SATL1: variants seen among roughly 807,000 people sequenced by gnomAD.
SATL1 encodes spermidine/spermine N(1)-acetyltransferase-like protein 1.
In SATL1, 47 loss-of-function variants were observed where a neutral mutation model predicts 51.8. The ratio of observed to expected loss-of-function variants is 0.91; its 90% confidence interval spans 0.72 to 1.16. The LOEUF is 1.16. Among genes scored for constraint, SATL1 ranks in the 50% most tolerant of loss-of-function variants. The probability of loss-of-function intolerance (pLI) is 0.00; values close to 1 mark genes in which losing one functional copy is unlikely to be tolerated. For missense variants in SATL1, 520 were observed against 526.4 expected (o/e 0.99, Z 0.12); for synonymous variants, 176 against 182.4 (o/e 0.97, Z 0.28).
At chrX:85,241,264 A>C (rs1351034053) in intron 1 of SATL1, among the ~76,000 whole-genome samples, 1 of 110,582 alleles carries the variant, frequency 9.0e-6, no homozygotes, top group Non-Finnish European at 1.9e-5. Context: ...ACAGACACTG[A>C]GGACTACTGG....
chrX:85,237,419 C>CA (rs1165867839), intron 1 of SATL1, among the ~76,000 whole-genome samples: 1 of 111,250 alleles, frequency 9.0e-6, no homozygotes, highest in Non-Finnish European at 1.9e-5. Context: ...CACACACCTA[C>CA]ACTGAATTCA....
At chrX:85,200,943 A>G (rs904692109) in intron 2 of SATL1, among the ~76,000 whole-genome samples, 1 of 111,128 alleles carries the variant, frequency 9.0e-6, no homozygotes, top group Non-Finnish European at 1.9e-5. Flanking sequence ...TGTAGTGCCA[A>G]TGAAGAAATC....
At chrX:85,175,113 A>C (rs969069870) in intron 2 of SATL1, among the ~76,000 whole-genome samples, 1 of 111,472 alleles carries the variant, frequency 9.0e-6, no homozygotes, top group African/African-American at 3.3e-5. Context: ...GGTTCAGACC[A>C]GTGCATCAGC....
At chrX:85,147,689 C>T (rs1322491879) in intron 2 of SATL1, among the ~76,000 whole-genome samples, 2 of 111,863 alleles carry the variant, frequency 1.8e-5, no homozygotes, top group Non-Finnish European at 3.8e-5. Context: ...CTGCAGCCAC[C>T]GCTGCTGATA....
chrX:85,123,334 A>AT, intron 2 of SATL1, among the ~76,000 whole-genome samples: 1 of 110,089 alleles, frequency 9.1e-6, no homozygotes, highest in South Asian at 3.9e-4. Context: ...TTATTTTTTG[A>AT]TTTTTTAATT....
At chrX:85,176,339 G>A in intron 2 of SATL1, among the ~76,000 whole-genome samples, 1 of 111,708 alleles carries the variant, frequency 9.0e-6, no homozygotes, top group Non-Finnish European at 1.9e-5. Context: ...ATTTGACTCA[G>A]CTATATCACT....
chrX:85,150,365 C>G (rs1926392798), intron 2 of SATL1, among the ~76,000 whole-genome samples: 1 of 110,180 alleles, frequency 9.1e-6, no homozygotes, highest in South Asian at 3.9e-4. Context: ...GATGGATTCA[C>G]AGCCGAATTC....
At chrX:85,236,103 C>T in intron 1 of SATL1, among the ~76,000 whole-genome samples, 1 of 111,182 alleles carries the variant, frequency 9.0e-6, no homozygotes, top group East Asian at 2.8e-4. Flanking sequence ...TTGATAAATT[C>T]CTACACATGT....
At chrX:85,233,443 G>A (rs1229254547) in intron 1 of SATL1, among the ~76,000 whole-genome samples, 1 of 112,041 alleles carries the variant, frequency 8.9e-6, no homozygotes, top group Non-Finnish European at 1.9e-5. Context: ...ACTAAATAAG[G>A]CACGAGTGAC....
At chrX:85,117,064 G>C (rs1000484534) in intron 2 of SATL1, among the ~76,000 whole-genome samples, 7 of 111,547 alleles carry the variant, frequency 6.3e-5, no homozygotes, top group Admixed American at 5.7e-4. Flanking sequence ...CCGCTAGTAG[G>C]CCACTGCACA....
chrX:85,124,638 G>A (rs1206546973), intron 2 of SATL1, among the ~76,000 whole-genome samples: 1 of 111,570 alleles, frequency 9.0e-6, no homozygotes, highest in African/African-American at 3.3e-5. Flanking sequence ...GGGTAGCAAA[G>A]ATCATCACTA....
At chrX:85,194,431 TTAG>T (rs1334759616) in intron 2 of SATL1, among the ~76,000 whole-genome samples, 1 of 111,391 alleles carries the variant, frequency 9.0e-6, no homozygotes, top group Non-Finnish European at 1.9e-5. Context: ...TAGTAATAAC[TTAG>T]TAGTAACAGA....
At position 85,094,182 on chromosome X, in the gene SATL1, A is replaced by C. The variant is rs963895126; in HGVS notation, c.1822T>G (p.Trp608Gly). ...TCTAGGTAAAGTACCTTGCCAGTCC[A>C]TGAGTCGTATGTAAAGTAGTACATG... The part of the protein sequence containing the change: ...FAMYYFTYDS[W>G]TGKVLYLEDF... Residue 608 changes from tryptophan to glycine, a missense_variant, in exon 6 of 8, where the codon TGG becomes GGG. Coordinates refer to ENST00000644105, the MANE Select transcript of SATL1 (RefSeq NM_001367857.2). The C allele has an allele frequency of 3.3e-5, 40 of 1,198,960 alleles. No individual in the cohort carries two copies. Among genetic ancestry groups the C allele is most frequent in the Non-Finnish European group, 4.0e-5 (35 of 884,282 alleles).
rs746413597 is a variant in SATL1, at chrX:85,103,881, A to T, written c.1676T>A (p.Met559Lys). Reference protein sequence around the residue: ...LAACENMLDAMELTAADLLRD... With the variant: ...LAACENMLDAKELTAADLLRD... ...CACCTTACCAGCTGCTGTTAACTCC[A>T]TTGCATCTAGCATGTTTTCACAGGC... Residue 559 changes from methionine (M) to lysine (K), a missense_variant, in exon 4 of 8, where the codon ATG becomes AAG. Transcript: ENST00000644105. The T allele has an allele frequency of 3.3e-6, 4 of 1,197,185 alleles. No individual in the cohort carries two copies. The highest frequency in any genetic ancestry group is 4.5e-6 in the Non-Finnish European group (4 of 883,390).
intron 2 of SATL1, among the ~76,000 whole-genome samples, chrX:85,213,955 T>C (rs867804156): frequency 3.6e-5 from 4 of 111,123 alleles, no homozygotes; most frequent in African/African-American, 1.3e-4. Flanking sequence ...ATTGAGAATA[T>C]AGAGGGGAAG....
intron 2 of SATL1, among the ~76,000 whole-genome samples, chrX:85,198,250 C>T (rs1164864999): frequency 1.8e-5 from 2 of 112,034 alleles, no homozygotes; most frequent in Admixed American, 1.9e-4. Context: ...ATTTAGGTTG[C>T]TTCCAAATCT....
At chrX:85,131,165 G>T (rs1236200014) in intron 2 of SATL1, among the ~76,000 whole-genome samples, 1 of 111,718 alleles carries the variant, frequency 9.0e-6, no homozygotes, top group East Asian at 2.8e-4. Flanking sequence ...TATTCGGTCT[G>T]CTTGGTGCAG....
Position 85,108,711 on chromosome X carries a change from T to C in SATL1, c.258A>G (p.Gln86=). 1 of 1,204,552 alleles carries C rather than the reference T, an allele frequency of 8.3e-7. No homozygotes were observed. The highest frequency in any genetic ancestry group is 1.1e-6 in the Non-Finnish European group (1 of 891,407). The part of the protein sequence containing the change: ...QPDTWQLGRS[Q]PGMLQQELSQ... ...TCAGTTCTTGTTGCAGCATGCCTGG[T>C]TGGCTCCTACCTAATTGCCATGTGT... The change falls in exon 3 of 8, where the codon CAA becomes CAG. Residue 86 remains glutamine, a synonymous_variant. Transcript: ENST00000644105.
intron 2 of SATL1, among the ~76,000 whole-genome samples, chrX:85,121,524 C>A (rs1199606851): frequency 1.9e-5 from 2 of 104,262 alleles, no homozygotes; most frequent in African/African-American, 3.5e-5. Flanking sequence ...CAAGAAATAG[C>A]TAATGGACCA....
Sources: gnomAD v4.1 joint callset for allele counts (sites outside exome capture counted in the v4.1 genomes callset) on GRCh38, gnomAD v4.1.1 for gene constraint, MANE v1.5 for transcripts, NCBI Gene and HGNC (gene_info 2026-07-23, HGNC 2026-07-21) for gene names.